The following MGAT4C variants were observed in gnomAD, a reference collection of about 807,000 sequenced individuals.
MGAT4C encodes the protein alpha-1,3-mannosyl-glycoprotein 4-beta-N-acetylglucosaminyltransferase C.
A neutral mutation model predicts 40.1 loss-of-function variants in MGAT4C; 19 were observed. The observed-to-expected ratio is 0.47, with a 90% CI of 0.33 to 0.70. The LOEUF is 0.70. MGAT4C is among the 30% of genes least tolerant of loss of function. The probability of loss-of-function intolerance (pLI) is 0.02; values close to 1 mark genes in which losing one functional copy is unlikely to be tolerated. For synonymous variants in MGAT4C, 181 were observed against 187.1 expected (o/e 0.97, Z 0.27); for missense variants, 491 against 563.2 (o/e 0.87, Z 1.30).
intron 1 of MGAT4C, among the ~76,000 whole-genome samples, chr12:86,226,298 G>A (rs1013880215): frequency 2.6e-5 from 4 of 151,872 alleles, no homozygotes; most frequent in African/African-American, 9.7e-5. Context: ...CATAGAATTT[G>A]CAAAGTCTTA....
intron 3 of MGAT4C, among the ~76,000 whole-genome samples, chr12:86,400,419 T>C (rs1213201314): frequency 6.6e-6 from 1 of 152,206 alleles, no homozygotes; most frequent in Non-Finnish European, 1.5e-5. Flanking sequence ...AATTTTGATG[T>C]AGGTAACTTT....
intron 1 of MGAT4C, among the ~76,000 whole-genome samples, chr12:86,170,376 T>C (rs1886681626): frequency 1.3e-5 from 2 of 152,212 alleles, no homozygotes; most frequent in South Asian, 4.1e-4. Flanking sequence ...TCAGACTTCC[T>C]GTTCTATGTT....
At chr12:86,567,505 T>C (rs949005798) in intron 2 of MGAT4C, among the ~76,000 whole-genome samples, 4 of 152,090 alleles carry the variant, frequency 2.6e-5, no homozygotes, top group African/African-American at 9.7e-5. Context: ...AGAGTATCAG[T>C]GGAATACAGG....
intron 1 of MGAT4C, among the ~76,000 whole-genome samples, chr12:86,178,599 T>C (rs1413281780): frequency 6.6e-6 from 1 of 152,202 alleles, no homozygotes; most frequent in African/African-American, 2.4e-5. Context: ...CCCAAACTGT[T>C]CTCCCTTAAT....
At chr12:86,503,787 C>CAT (rs10679798) in intron 2 of MGAT4C, among the ~76,000 whole-genome samples, 3,010 of 15,738 alleles carry the variant, frequency 0.19, 1,200 homozygotes, top group Middle Eastern at 0.5. Flanking sequence ...GAGTTCTGCT[C>CAT]ATATATATAT....
At chr12:86,487,283 A>T (rs1450824008) in intron 2 of MGAT4C, among the ~76,000 whole-genome samples, 4 of 152,174 alleles carry the variant, frequency 2.6e-5, no homozygotes, top group African/African-American at 9.6e-5. Flanking sequence ...CCTTAGAGCT[A>T]GTTTTCCAAC....
intron 3 of MGAT4C, among the ~76,000 whole-genome samples, chr12:86,350,852 G>A (rs1034519636): frequency 6.6e-6 from 1 of 151,856 alleles, no homozygotes; most frequent in African/African-American, 2.4e-5. Context: ...ATGCATTTCT[G>A]GTGGTAATAC....
chr12:86,239,462 C>G (rs1264034078), intron 1 of MGAT4C, among the ~76,000 whole-genome samples: 1 of 152,000 alleles, frequency 6.6e-6, no homozygotes, highest in African/African-American at 2.4e-5. Context: ...TTCAAAGAAG[C>G]ATGCTTTACA....
chr12:86,414,908 C>T (rs1380913035), intron 3 of MGAT4C, among the ~76,000 whole-genome samples: 1 of 152,026 alleles, frequency 6.6e-6, no homozygotes, highest in Non-Finnish European at 1.5e-5. Context: ...TGTCCTTTCT[C>T]CCTGCAAAAC....
At chr12:86,237,467 A>C (rs1951602527) in intron 1 of MGAT4C, among the ~76,000 whole-genome samples, 2 of 151,920 alleles carry the variant, frequency 1.3e-5, no homozygotes. Context: ...TTAGACATAC[A>C]ATACAGCCAT....
chr12:86,176,348 A>G (rs1887429867), intron 1 of MGAT4C, among the ~76,000 whole-genome samples: 1 of 152,144 alleles, frequency 6.6e-6, no homozygotes, highest in Non-Finnish European at 1.5e-5. Context: ...CCAATTCAGG[A>G]TTCAGCACAA....
chr12:86,351,906 T>C (rs1955169607), intron 3 of MGAT4C, among the ~76,000 whole-genome samples: 1 of 152,044 alleles, frequency 6.6e-6, no homozygotes, highest in Non-Finnish European at 1.5e-5. Flanking sequence ...CTTAACACAG[T>C]TTAATGTATG....
intron 2 of MGAT4C, among the ~76,000 whole-genome samples, chr12:86,637,484 T>C (rs1376015622): frequency 6.6e-6 from 1 of 151,948 alleles, no homozygotes; most frequent in African/African-American, 2.4e-5. Flanking sequence ...GTTAAGGTTA[T>C]AATCAGGCCA....
In MGAT4C at chr12:86,384,511, C is replaced by T. The variant is rs890160743; in HGVS notation, c.-119-50384G>A. ...GTAAGGCAGGGCTTATCATTATTAA[C>T]GTAATGTGAGACTTAAAGAAGATAA... On this transcript the variant is annotated intron_variant, in intron 3 of 7. Coordinates refer to the MGAT4C transcript ENST00000548651. Among the ~76,000 whole-genome samples, 7 of 152,230 alleles carry T rather than the reference C, an allele frequency of 4.6e-5. No individual in the cohort carries two copies. In the East Asian group the frequency reaches 7.7e-4, roughly 17 times the overall value.
intron 1 of MGAT4C, among the ~76,000 whole-genome samples, chr12:86,833,287 G>A (rs992477477): frequency 6.6e-6 from 1 of 151,848 alleles, no homozygotes; most frequent in African/African-American, 2.4e-5. Context: ...GTGAAAGAGA[G>A]GGAGGAGAAA....
chr12:86,578,398 T>C (rs1960647320), intron 2 of MGAT4C, among the ~76,000 whole-genome samples: 1 of 151,894 alleles, frequency 6.6e-6, no homozygotes, highest in Non-Finnish European at 1.5e-5. Flanking sequence ...AGAATGAATT[T>C]GGAAGTATTT....
intron 3 of MGAT4C, among the ~76,000 whole-genome samples, chr12:86,401,603 A>C (rs1956364684): frequency 6.6e-6 from 1 of 152,134 alleles, no homozygotes; most frequent in East Asian, 1.9e-4. Context: ...TTTTCCTATA[A>C]GTTCTAAGAG....
intron 2 of MGAT4C, among the ~76,000 whole-genome samples, chr12:86,691,465 A>T (rs2030239919): frequency 6.6e-6 from 1 of 152,214 alleles, no homozygotes; most frequent in South Asian, 2.1e-4. Context: ...GAAGAAAAAG[A>T]CAACCTGGTA....
intron 3 of MGAT4C, among the ~76,000 whole-genome samples, chr12:86,434,619 T>C (rs1316800115): frequency 6.6e-6 from 1 of 151,950 alleles, no homozygotes; most frequent in Non-Finnish European, 1.5e-5. Context: ...TTACAGTCTT[T>C]AGAGCTAAAG....
Sources: gnomAD v4.1 joint callset for allele counts (sites outside exome capture counted in the v4.1 genomes callset) on GRCh38, gnomAD v4.1.1 for gene constraint, MANE v1.5 for transcripts, NCBI Gene and HGNC (gene_info 2026-07-23, HGNC 2026-07-21) for gene names.